SPOCK3: variants seen among roughly 807,000 people sequenced by gnomAD.
SPOCK3 encodes the protein SPARC (osteonectin), cwcv and kazal like domains proteoglycan 3, also known as testican-3.
A neutral mutation model predicts 56.6 loss-of-function variants in SPOCK3; 30 were observed. The ratio of observed to expected loss-of-function variants is 0.53; its 90% CI spans 0.40 to 0.72. SPOCK3 has a LOEUF of 0.72. Ranked by LOEUF, SPOCK3 falls within the 30% of genes least tolerant of loss-of-function variation. The pLI is 0.00. For missense variants in SPOCK3, 527 were observed against 530.0 expected, an observed-to-expected ratio of 0.99 and a Z score of 0.06; for synonymous variants, 196 against 183.3, an observed-to-expected ratio of 1.07 and a Z score of -0.56.
At chr4:166,827,679 C>T (rs1032402089) in intron 6 of SPOCK3, among the ~76,000 whole-genome samples, 7 of 151,944 alleles carry the variant, frequency 4.6e-5, no homozygotes, top group South Asian at 2.1e-4. Flanking sequence ...ACATTCTGGC[C>T]GGCTTGACTT....
chr4:167,206,599 A>G (rs1310791902), intron 2 of SPOCK3, among the ~76,000 whole-genome samples: 1 of 152,120 alleles, frequency 6.6e-6, no homozygotes, highest in Non-Finnish European at 1.5e-5. Flanking sequence ...ATGAGTCTTG[A>G]GGAAAACTAA....
chr4:167,090,240 T>C (rs916293256), intron 2 of SPOCK3, among the ~76,000 whole-genome samples: 1 of 152,152 alleles, frequency 6.6e-6, no homozygotes, highest in African/African-American at 2.4e-5. Flanking sequence ...TTCCCAGGGG[T>C]AATGTGTAAA....
At chr4:166,738,009 T>C (rs1734391207) in intron 9 of SPOCK3, among the ~76,000 whole-genome samples, 1 of 152,226 alleles carries the variant, frequency 6.6e-6, no homozygotes, top group Non-Finnish European at 1.5e-5. Context: ...GCCAACTTTC[T>C]ACTTTCATTT....
intron 4 of SPOCK3, among the ~76,000 whole-genome samples, chr4:166,923,084 C>T (rs1738678985): frequency 6.6e-6 from 1 of 152,224 alleles, no homozygotes; most frequent in South Asian, 2.1e-4. Context: ...ACTACACTCT[C>T]CCAGTGGGGG....
chr4:166,899,508 C>CTT lies in SPOCK3; in HGVS notation c.475-10266_475-10265dup, dbSNP rs781766258. Reference sequence around the variant, plus strand: ...ATCTGTTCAGTGTATTTCTTTCTTTCTTTTTTTTTTTTTTTTGAGACAGAG... The same window carrying CTT: ...ATCTGTTCAGTGTATTTCTTTCTTTCTTTTTTTTTTTTTTTTTTGAGACAGAG... On this transcript the variant is annotated intron_variant, in intron 5 of 10. Transcript: ENST00000357545. Among the ~76,000 whole-genome samples, 1,005 of 119,082 alleles carry CTT rather than the reference C, an allele frequency of 8.4e-3. 36 individuals carry two copies. The highest frequency in any genetic ancestry group is 0.026 in the African/African-American group (843 of 32,410). The allele number at this position is 119,082 out of a possible 152,430, so 78.1% of individuals were successfully genotyped here.
In SPOCK3 at chr4:167,065,037, CAAAAAAAAAA is replaced by C. The variant is rs56284627; in HGVS notation, c.190-2510_190-2501del. Among the ~76,000 whole-genome samples, 7 of 64,054 alleles carry C rather than the reference CAAAAAAAAAA, an allele frequency of 1.1e-4. No individual in the cohort carries two copies. The East Asian group carries it at 1.5e-3, about 14-fold the overall frequency. 42.0% of individuals were successfully genotyped at this position (64,054 alleles called of 152,430 possible). ...CTATTTTCAAATCCAATGCCCTCTC[CAAAAAAAAAA>C]AAAAAAAAAAAAAGTCAAACGCAGC... On this transcript the variant is annotated intron_variant, in intron 2 of 10. Transcript: ENST00000357545.
At chr4:166,883,171 T>C (rs1733844740) in intron 6 of SPOCK3, 1 of 152,184 alleles carries the variant, frequency 6.6e-6, no homozygotes, top group Non-Finnish European at 1.5e-5. Context: ...TAATTCTTAA[T>C]CAATAATACT....
intron 2 of SPOCK3, among the ~76,000 whole-genome samples, chr4:167,071,224 TA>T (rs1756643398): frequency 6.6e-6 from 1 of 151,898 alleles, no homozygotes; most frequent in Admixed American, 6.6e-5. Context: ...TTTGCCTCAA[TA>T]AATAAATTAA....
At chr4:166,899,504 C>CTTTCT (rs948337417) in intron 5 of SPOCK3, among the ~76,000 whole-genome samples, 3 of 78,340 alleles carry the variant, frequency 3.8e-5, no homozygotes, top group South Asian at 5.3e-4. Context: ...GTATTTCTTT[C>CTTTCT]TTTCTTTTTT....
At chr4:167,227,343 C>A (rs1345888951) in intron 2 of SPOCK3, among the ~76,000 whole-genome samples, 1 of 152,052 alleles carries the variant, frequency 6.6e-6, no homozygotes, top group African/African-American at 2.4e-5. Context: ...AATTACAAAA[C>A]TGGGCTTGAG....
intron 4 of SPOCK3, among the ~76,000 whole-genome samples, chr4:166,936,937 T>G (rs986990177): frequency 1.3e-5 from 2 of 152,170 alleles, no homozygotes; most frequent in African/African-American, 4.8e-5. Context: ...GTTTGAAATA[T>G]TTTCTAACCT....
chr4:167,219,028 C>T (rs145507450), intron 2 of SPOCK3, among the ~76,000 whole-genome samples: 3 of 152,076 alleles, frequency 2.0e-5, no homozygotes, highest in Non-Finnish European at 2.9e-5. Context: ...AACATCTCAA[C>T]TCCAAAAAAA....
intron 3 of SPOCK3, among the ~76,000 whole-genome samples, chr4:167,034,604 T>C (rs1052038805): frequency 6.6e-6 from 1 of 152,110 alleles, no homozygotes; most frequent in African/African-American, 2.4e-5. Flanking sequence ...ATTAAAACCA[T>C]AGCTCGTACA....
chr4:167,137,637 G>C (rs1463249805), intron 2 of SPOCK3, among the ~76,000 whole-genome samples: 2 of 151,658 alleles, frequency 1.3e-5, no homozygotes, highest in African/African-American at 4.8e-5. Context: ...TTTCATAAAG[G>C]GGTATCACTT....
chr4:166,966,205 G>C (rs958790081), intron 4 of SPOCK3, among the ~76,000 whole-genome samples: 12 of 150,336 alleles, frequency 8.0e-5, no homozygotes, highest in African/African-American at 2.7e-4. Flanking sequence ...CTTCATTGTC[G>C]GATGGATCAC....
intron 7 of SPOCK3, among the ~76,000 whole-genome samples, chr4:166,783,844 T>C (rs1367247877): frequency 6.6e-6 from 1 of 152,186 alleles, no homozygotes; most frequent in Non-Finnish European, 1.5e-5. Context: ...TCAACTGGCA[T>C]TGGAGTAAAG....
chr4:167,089,439 G>A (rs537420829), intron 2 of SPOCK3, among the ~76,000 whole-genome samples: 30 of 151,864 alleles, frequency 2.0e-4, no homozygotes, highest in South Asian at 6.2e-4. Flanking sequence ...CTTTTAGCCC[G>A]TGCACTGATA....
At chr4:167,210,480 G>A (rs1385203227) in intron 2 of SPOCK3, among the ~76,000 whole-genome samples, 1 of 151,920 alleles carries the variant, frequency 6.6e-6, no homozygotes. Flanking sequence ...GGCTAAAAGT[G>A]GCACACATGA....
At chr4:167,016,552 T>C (rs193221507) in intron 3 of SPOCK3, among the ~76,000 whole-genome samples, 21 of 152,074 alleles carry the variant, frequency 1.4e-4, no homozygotes, top group Non-Finnish European at 2.6e-4. Flanking sequence ...TCTTTTTTTT[T>C]TTTTTCTTTT....
Sources: allele counts gnomAD v4.1 joint callset (sites outside exome capture counted in the v4.1 genomes callset), GRCh38; gene constraint gnomAD v4.1.1; transcripts MANE v1.5; gene names NCBI Gene and HGNC (gene_info 2026-07-23, HGNC 2026-07-21).